TFCP2: variants seen among roughly 807,000 people sequenced by gnomAD.
TFCP2 encodes the protein alpha-globin transcription factor CP2.
In TFCP2, 33 loss-of-function variants were observed where a neutral mutation model predicts 73.4. The ratio of observed to expected loss-of-function variants is 0.45; its 90% CI spans 0.34 to 0.60. TFCP2 has a LOEUF of 0.60. TFCP2 is among the 20% of genes least tolerant of loss of function. The pLI, the probability that TFCP2 is intolerant of heterozygous loss-of-function variation, is 0.01. For missense variants in TFCP2, 352 were observed against 604.0 expected (o/e 0.58, Z 4.37); for synonymous variants, 193 against 211.6 (o/e 0.91, Z 0.76).
At chr12:51,120,909 C>CAAAAAAAAAAAAAA in intron 1 of TFCP2, among the ~76,000 whole-genome samples, 1 of 78,728 alleles carries the variant, frequency 1.3e-5, no homozygotes, top group Non-Finnish European at 2.5e-5. Flanking sequence ...GACTGTGTCT[C>CAAAAAAAAAAAAAA]AAAAAAAAAA....
At chr12:51,118,161 T>C (rs1420964018) in intron 2 of TFCP2, among the ~76,000 whole-genome samples, 1 of 152,194 alleles carries the variant, frequency 6.6e-6, no homozygotes, top group Non-Finnish European at 1.5e-5. Context: ...GTAATAGATA[T>C]CAAGTATGAC....
rs12580097 is a variant in TFCP2, at chr12:51,107,103, G to C, written c.828+133C>G. On this transcript the variant is annotated intron_variant, in intron 7 of 14. Transcript: ENST00000257915. ...CTAAAGCAATCTTCCTGTTAAGGCC[G>C]CTGGACACAGAATCCATGTGATACT... 6.7e-6 allele frequency: 5 copies of C among 745,836 alleles called. No homozygotes were observed. In the African/African-American group the frequency reaches 7.1e-5, roughly 11 times the overall value. 46.2% of individuals were successfully genotyped at this position (745,836 alleles called of 1,614,324 possible). A position where few individuals can be genotyped will look rare whatever the true frequency, so the allele number is the denominator to read the frequency against.
intron 5 of TFCP2, among the ~76,000 whole-genome samples, chr12:51,109,715 ATTTT>A (rs10531546): frequency 0.064 from 8,615 of 135,220 alleles, 468 homozygotes; most frequent in East Asian, 0.2. Context: ...AGATTGGTGA[ATTTT>A]TTTTTTTTTT....
chr12:51,109,376 A>C, intron 5 of TFCP2, 103 bp from the exon 6 acceptor site: 1 of 1,149,706 alleles, frequency 8.7e-7, no homozygotes, highest in Non-Finnish European at 1.2e-6. Context: ...ACCAGGCATT[A>C]TGAATACCTA....
chr12:51,108,822 A>G (rs949194548), intron 6 of TFCP2, among the ~76,000 whole-genome samples: 2 of 152,182 alleles, frequency 1.3e-5, no homozygotes, highest in Admixed American at 1.3e-4. Flanking sequence ...GAAAATAACC[A>G]TAACTAGTCA....
At chr12:51,138,226 A>G (rs1173278854) in intron 1 of TFCP2, among the ~76,000 whole-genome samples, 1 of 151,768 alleles carries the variant, frequency 6.6e-6, no homozygotes, top group Non-Finnish European at 1.5e-5. Context: ...ACTACAACCT[A>G]CGACTTCCAC....
At chr12:51,109,336 T>G in intron 5 of TFCP2, 63 bp from the exon 6 acceptor site, 1 of 1,572,350 alleles carries the variant, frequency 6.4e-7, no homozygotes, top group African/African-American at 1.3e-5. Context: ...TGGCAGTATT[T>G]TTTTAGCAAC....
chr12:51,143,767 T>C (rs1323528741), intron 1 of TFCP2, among the ~76,000 whole-genome samples: 1 of 152,112 alleles, frequency 6.6e-6, no homozygotes, highest in African/African-American at 2.4e-5. Context: ...GGCTGTCTCT[T>C]GGAAAAGATA....
intron 3 of TFCP2, among the ~76,000 whole-genome samples, chr12:51,117,091 C>G (rs1157365917): frequency 1.3e-5 from 2 of 152,150 alleles, no homozygotes; most frequent in Admixed American, 1.3e-4. Flanking sequence ...GAAAAACTCA[C>G]CAACTCCCCC....
chr12:51,112,378 A>C (rs1001664747), intron 4 of TFCP2, among the ~76,000 whole-genome samples: 3 of 152,154 alleles, frequency 2.0e-5, no homozygotes, highest in Non-Finnish European at 4.4e-5. Flanking sequence ...TAATTTGTTA[A>C]AATCCTATTT....
rs752000460 is a variant in TFCP2, at chr12:51,106,516, C to A, written c.917+9G>T. On this transcript the variant is annotated intron_variant, in intron 8 of 14. Transcript: ENST00000257915. ...ACAAATATAAGCCAATTTTATTTCC[C>A]AGACTTACCCTTCCCCAAGAGAAAA... is the stretch of plus-strand genomic sequence containing the variant. 4 of 1,604,334 alleles carry A rather than the reference C, an allele frequency of 2.5e-6. No individual in the cohort carries two copies. In the Admixed American group the frequency reaches 5.2e-5, roughly 21 times the overall value.
chr12:51,141,859 T>G (rs1941199125), intron 1 of TFCP2, among the ~76,000 whole-genome samples: 2 of 140,330 alleles, frequency 1.4e-5, no homozygotes, highest in African/African-American at 5.3e-5. Context: ...TGAGCCGAGA[T>G]GGCGCCACTG....
chr12:51,146,363 C>T (rs1349937698), intron 1 of TFCP2, among the ~76,000 whole-genome samples: 1 of 151,614 alleles, frequency 6.6e-6, no homozygotes, highest in Admixed American at 6.6e-5. Context: ...ATGAAAAAGG[C>T]CAAACCTCCC....
intron 1 of TFCP2, among the ~76,000 whole-genome samples, chr12:51,160,991 T>C (rs1370922519): frequency 6.6e-6 from 1 of 152,168 alleles, no homozygotes; most frequent in Non-Finnish European, 1.5e-5. Context: ...CTGGCCACTG[T>C]TTCACACATG....
At chr12:51,109,384 C>G (rs1940338144) in intron 5 of TFCP2, 111 bp from the exon 6 acceptor site, 1 of 1,015,746 alleles carries the variant, frequency 9.8e-7, no homozygotes, top group South Asian at 1.7e-5. Context: ...TTATGAATAC[C>G]TACAAAAAAC....
intron 1 of TFCP2, among the ~76,000 whole-genome samples, chr12:51,132,101 AT>A (rs139341193): frequency 0.01 from 1,597 of 152,312 alleles, 16 homozygotes; most frequent in Middle Eastern, 0.02. Context: ...GGGGAAATGA[AT>A]ATAAATGAAG....
At chr12:51,100,122 G>A (rs941054127) in intron 11 of TFCP2, among the ~76,000 whole-genome samples, 6 of 152,130 alleles carry the variant, frequency 3.9e-5, no homozygotes, top group Non-Finnish European at 8.8e-5. Context: ...CCCCAGTCTT[G>A]ACTGCCATTC....
At chr12:51,139,562 C>G (rs550938115) in intron 1 of TFCP2, among the ~76,000 whole-genome samples, 1 of 152,106 alleles carries the variant, frequency 6.6e-6, no homozygotes, top group South Asian at 2.1e-4. Context: ...ATTTTTTGTA[C>G]AGACAGGGCC....
intron 1 of TFCP2, among the ~76,000 whole-genome samples, chr12:51,129,181 T>C (rs1202352225): frequency 6.6e-6 from 1 of 152,084 alleles, no homozygotes; most frequent in East Asian, 1.9e-4. Flanking sequence ...CATTTGAATA[T>C]ACTTAGTTCT....
Sources: gnomAD v4.1 joint callset for allele counts (sites outside exome capture counted in the v4.1 genomes callset) on GRCh38, gnomAD v4.1.1 for gene constraint, MANE v1.5 for transcripts, NCBI Gene and HGNC (gene_info 2026-07-23, HGNC 2026-07-21) for gene names.